The following ACTR3C variants were observed in gnomAD, a reference collection of about 807,000 sequenced individuals.
ACTR3C encodes the protein actin-related protein 3C.
ACTR3C carries 18 observed loss-of-function variants against 26.3 expected under a neutral mutation model. The ratio of observed to expected loss-of-function variants is 0.68; its 90% confidence interval spans 0.47 to 1.01. The LOEUF (loss-of-function observed/expected upper bound fraction) is 1.01, where lower values mean the gene tolerates loss of function less well. Among genes scored for constraint, ACTR3C ranks in the 50% least tolerant of loss-of-function variants. The pLI is 0.00. For missense variants in ACTR3C, 184 were observed against 250.7 expected (o/e 0.73, Z 1.80); for synonymous variants, 55 against 94.5 (o/e 0.58, Z 2.42).
intron 1 of ACTR3C, among the ~76,000 whole-genome samples, chr7:150,304,184 C>A (rs573807196): frequency 6.6e-6 from 1 of 151,628 alleles, no homozygotes; most frequent in African/African-American, 2.4e-5. Context: ...TCTACACTGG[C>A]TAGGTCTACA....
At chr7:150,232,270 G>A in the ACTR3C span, among the ~76,000 whole-genome samples, 3 of 152,090 alleles carry the variant, frequency 2.0e-5, no homozygotes, top group African/African-American at 4.8e-5. Context: ...TTTCCAATGA[G>A]TTTCCTGTAG....
chr7:150,159,916 T>C, the ACTR3C span, among the ~76,000 whole-genome samples: 1 of 152,136 alleles, frequency 6.6e-6, no homozygotes, highest in Non-Finnish European at 1.5e-5. Flanking sequence ...GCGATTCTCC[T>C]GCCTCAGCCT....
At chr7:150,273,111 A>G (rs1169190152) in intron 6 of ACTR3C, among the ~76,000 whole-genome samples, 1 of 148,840 alleles carries the variant, frequency 6.7e-6, no homozygotes, top group Non-Finnish European at 1.5e-5. Context: ...CTTTACTTAC[A>G]GAAAAGAAGC....
the ACTR3C span, among the ~76,000 whole-genome samples, chr7:149,936,475 T>G: frequency 6.6e-6 from 1 of 152,200 alleles, no homozygotes; most frequent in South Asian, 2.1e-4. Flanking sequence ...GCATAGTTTG[T>G]TAGGGGAAAA....
At chr7:149,988,511 G>A in the ACTR3C span, among the ~76,000 whole-genome samples, 2 of 152,298 alleles carry the variant, frequency 1.3e-5, no homozygotes, top group Admixed American at 6.5e-5. Flanking sequence ...ATCCATTCAT[G>A]ACATTTGCCT....
chr7:150,275,354 G>A (rs13311030), intron 6 of ACTR3C, among the ~76,000 whole-genome samples: 1 of 152,198 alleles, frequency 6.6e-6, no homozygotes, highest in Non-Finnish European at 1.5e-5. Flanking sequence ...ATAAATACAA[G>A]AGGACATATC....
At chr7:150,278,971 T>G (rs1400133420) in intron 6 of ACTR3C, among the ~76,000 whole-genome samples, 2 of 152,216 alleles carry the variant, frequency 1.3e-5, no homozygotes, top group East Asian at 3.8e-4. Context: ...TTTTCTCTCT[T>G]CAAATACTAA....
At chr7:150,057,775 T>C in the ACTR3C span, among the ~76,000 whole-genome samples, 1 of 152,218 alleles carries the variant, frequency 6.6e-6, no homozygotes, top group East Asian at 1.9e-4. Context: ...ATAGAGCATC[T>C]CAATGGGTAA....
the ACTR3C span, among the ~76,000 whole-genome samples, chr7:150,038,033 G>A: frequency 2.5e-4 from 34 of 134,982 alleles, 7 homozygotes; most frequent in African/African-American, 9.6e-4. Flanking sequence ...GTGGTCCCAA[G>A]AGCCATGGGG....
chr7:150,280,913 A>G (rs1181701168), intron 6 of ACTR3C, among the ~76,000 whole-genome samples: 4 of 152,354 alleles, frequency 2.6e-5, no homozygotes, highest in East Asian at 3.9e-4. Context: ...TTATATTTCA[A>G]TAAAGCTAGG....
the ACTR3C span, among the ~76,000 whole-genome samples, chr7:149,978,963 C>T: frequency 0.019 from 2,912 of 151,864 alleles, 32 homozygotes; most frequent in African/African-American, 0.049. Flanking sequence ...TGGGTCCTAC[C>T]GTGAGCGGAA....
the ACTR3C span, among the ~76,000 whole-genome samples, chr7:149,905,837 A>C: frequency 1.3e-5 from 2 of 152,314 alleles, no homozygotes; most frequent in African/African-American, 4.8e-5. Flanking sequence ...TGCTGATGGG[A>C]TATCCATCAG....
At chr7:150,310,393 A>G (rs1009789878) in intron 1 of ACTR3C, among the ~76,000 whole-genome samples, 4 of 152,160 alleles carry the variant, frequency 2.6e-5, no homozygotes, top group African/African-American at 7.2e-5. Context: ...CTTGCCTGTT[A>G]CAGCATGGCC....
At chr7:150,076,163 C>T in the ACTR3C span, among the ~76,000 whole-genome samples, 15 of 151,592 alleles carry the variant, frequency 9.9e-5, no homozygotes, top group Admixed American at 7.2e-4. Context: ...ATCTAGTTAG[C>T]TTGGTTTTCC....
At chr7:150,036,768 C>T in the ACTR3C span, among the ~76,000 whole-genome samples, 3 of 138,036 alleles carry the variant, frequency 2.2e-5, no homozygotes, top group East Asian at 1.9e-4. Flanking sequence ...TATCTGCCGT[C>T]GGAAGATTTG....
At chr7:150,175,202 A>G in the ACTR3C span, among the ~76,000 whole-genome samples, 38 of 148,762 alleles carry the variant, frequency 2.6e-4, no homozygotes, top group Non-Finnish European at 5.1e-4. Flanking sequence ...TAGGGAAATC[A>G]TTATCACAAA....
the ACTR3C span, among the ~76,000 whole-genome samples, chr7:150,067,714 G>GGTA: frequency 9.7e-6 from 1 of 103,490 alleles, no homozygotes; most frequent in Non-Finnish European, 2.1e-5. Context: ...AGCCACAGGT[G>GGTA]TATAAAGCCA....
At chr7:150,199,725 CAAAAAAAAAA>C in the ACTR3C span, among the ~76,000 whole-genome samples, 6 of 86,086 alleles carry the variant, frequency 7.0e-5, no homozygotes, top group South Asian at 4.8e-4. Context: ...ATATTTTTAT[CAAAAAAAAAA>C]AAAAAAAAAA....
chr7:150,057,113 AATAAC>A, the ACTR3C span, among the ~76,000 whole-genome samples: 1 of 152,126 alleles, frequency 6.6e-6, no homozygotes, highest in Non-Finnish European at 1.5e-5. Flanking sequence ...AATTTTATCA[AATAAC>A]ATAGAATTAT....
Sources: allele counts gnomAD v4.1 joint callset (sites outside exome capture counted in the v4.1 genomes callset), GRCh38; gene constraint gnomAD v4.1.1; transcripts MANE v1.5; gene names NCBI Gene and HGNC (gene_info 2026-07-23, HGNC 2026-07-21).